Variants in KIRREL3 observed in about 807,000 individuals in gnomAD.
KIRREL3 encodes kirre like nephrin family adhesion molecule 3.
A neutral mutation model predicts 89.7 loss-of-function variants in KIRREL3; 36 were observed. That is an observed-to-expected ratio of 0.40 (90% CI 0.31 to 0.53). KIRREL3 has a LOEUF of 0.53. KIRREL3 is among the 20% of genes least tolerant of loss of function. The pLI, the probability that KIRREL3 is intolerant of heterozygous loss-of-function variation, is 0.49. For synonymous variants in KIRREL3, 445 were observed against 441.4 expected, an observed-to-expected ratio of 1.01 and a Z score of -0.10; for missense variants, 864 against 1,056.6, an observed-to-expected ratio of 0.82 and a Z score of 2.53.
chr11:126,493,377 C>T (rs1180331732), intron 4 of KIRREL3, among the ~76,000 whole-genome samples: 6 of 151,436 alleles, frequency 4.0e-5, no homozygotes, highest in Non-Finnish European at 8.8e-5. Context: ...AAAAATTAGC[C>T]GGGCACAGTG....
rs1957009890 is a variant in KIRREL3, at chr11:126,474,436, G to A, written c.434-970C>T. Among the ~76,000 whole-genome samples the A allele has an allele frequency of 6.6e-6, 1 of 152,166 alleles. No individual in the cohort carries two copies. Among genetic ancestry groups the A allele is most frequent in the Non-Finnish European group, 1.5e-5 (1 of 68,022 alleles). ...CTGGAGGCCAGGCCCAGGGAACCTGGGAGCACCAGGCCGGCCCCTTCCCTG... is the reference window on the plus strand; with the variant it reads ...CTGGAGGCCAGGCCCAGGGAACCTGAGAGCACCAGGCCGGCCCCTTCCCTG... On this transcript the variant is annotated intron_variant, in intron 4 of 16. Coordinates refer to ENST00000525144, the MANE Select transcript of KIRREL3 (RefSeq NM_032531.4). This position sits in a 1 kb window ranked among gnomAD's most constrained non-coding sequence, Gnocchi z 6.7.
rs76371607 is a variant in KIRREL3 at position 126,435,133 on chromosome 11, A to G, written c.1588+135T>C. 4.6e-3 allele frequency: 4,274 copies of G among 921,904 alleles called. 102 individuals are homozygous for G. The African/African-American group carries it at 0.059, about 13-fold the overall frequency. 57.1% of individuals were successfully genotyped at this position (921,904 alleles called of 1,614,324 possible). On this transcript the variant is annotated intron_variant, in intron 13 of 16. Coordinates refer to ENST00000525144, the MANE Select transcript of KIRREL3 (RefSeq NM_032531.4). ...CTCCCCACTGCTTTGTCTACACTAA[A>G]CCCTCAGGACGGGGGAGGGCGGAGA...
At position 126,896,772 on chromosome 11, in the gene KIRREL3, C is replaced by T. The variant is rs1035294622; in HGVS notation, c.55+103683G>A. On this transcript the variant is annotated intron_variant, in intron 1 of 16. Transcript: ENST00000525144. This position sits in a 1 kb window ranked among gnomAD's most constrained non-coding sequence, Gnocchi z 4.1. ...GACCTGTGGAGATTCATTCTCACCACGTGTTCCAACTCTAGAACTATGTAA... is the reference window on the plus strand; with the variant it reads ...GACCTGTGGAGATTCATTCTCACCATGTGTTCCAACTCTAGAACTATGTAA... 2.6e-5 allele frequency among the ~76,000 whole-genome samples: 4 copies of T among 152,198 alleles called. No individual in the cohort carries two copies. The highest frequency in any genetic ancestry group is 2.1e-4 in the South Asian group (1 of 4,830).
At chr11:126,661,602 C>T (rs542299758) in intron 1 of KIRREL3, among the ~76,000 whole-genome samples, 18 of 152,280 alleles carry the variant, frequency 1.2e-4, no homozygotes, top group African/African-American at 4.3e-4. Context: ...AAGCAGAGGA[C>T]ATAAACTGTG....
At position 126,463,224 on chromosome 11, in the gene KIRREL3, G is replaced by C. The variant is rs377379331; in HGVS notation, c.675C>G (p.Ile225Met). The change falls in exon 6 of 17, where the codon ATC (isoleucine) becomes ATG (methionine). Residue 225 changes from isoleucine (I) to methionine (M), a missense_variant. Physicochemically the swap from Ile to Met is conservative, Grantham distance 10. Coordinates refer to ENST00000525144, the MANE Select transcript of KIRREL3 (RefSeq NM_032531.4). This position sits in a 1 kb window ranked among gnomAD's most constrained non-coding sequence, Gnocchi z 5.9. ...SPGDVENGQS[I>M]VCRATNKAIP... ...TGGCTTTGTTGGTGGCACGACACAC[G>C]ATGCTCTGGCCATTCTCCACGTCAC... 6.2e-7 allele frequency: 1 copy of C among 1,614,006 alleles called. No individual in the cohort carries two copies. Among genetic ancestry groups the C allele is most frequent in the Non-Finnish European group, 8.5e-7 (1 of 1,179,876 alleles).
rs1379241149 is a variant in KIRREL3 at position 126,515,848 on chromosome 11, A to C, written c.433+5467T>G. 6.6e-6 allele frequency among the ~76,000 whole-genome samples: 1 copy of C among 152,120 alleles called. No homozygotes were observed. Among genetic ancestry groups the C allele is most frequent in the East Asian group, 1.9e-4 (1 of 5,194 alleles). On this transcript the variant is annotated intron_variant, in intron 4 of 16. Transcript: ENST00000525144. The surrounding 1 kb of genome is among the most constrained non-coding windows in gnomAD (Gnocchi z 4.2). ...TGATTTGCCTTTTTATGTCAGGGTG[A>C]CTATGGATGGGTTTCTTGCAACCAG...
In KIRREL3 at chr11:126,431,042, A is replaced by G; in HGVS notation, c.1696+377T>C. On this transcript the variant is annotated intron_variant, in intron 14 of 16. Coordinates refer to ENST00000525144, the MANE Select transcript of KIRREL3 (RefSeq NM_032531.4). This position sits in a 1 kb window ranked among gnomAD's most constrained non-coding sequence, Gnocchi z 7.1. ...GTGAGACTAGCAGCTCTTTATTTTTATTTTGTTGTAGAGATGGGGTCTCTC... is the reference window on the plus strand; with the variant it reads ...GTGAGACTAGCAGCTCTTTATTTTTGTTTTGTTGTAGAGATGGGGTCTCTC... 8.2e-7 allele frequency: 1 copy of G among 1,220,036 alleles called. No individual in the cohort carries two copies. The highest frequency in any genetic ancestry group is 1.0e-6 in the Non-Finnish European group (1 of 978,898). 75.6% of individuals were successfully genotyped at this position (1,220,036 alleles called of 1,614,324 possible). A position where few individuals can be genotyped will look rare whatever the true frequency, so the allele number is the denominator to read the frequency against.
rs1957509286 is a variant in KIRREL3, at chr11:126,491,374, C to G, written c.434-17908G>C. ...TGTGTGATGGGTGGGGACACTTGCT[C>G]TCAGGGGGAAAGAAAGCGCCCTCTC... On this transcript the variant is annotated intron_variant, in intron 4 of 16. Coordinates refer to ENST00000525144, the MANE Select transcript of KIRREL3 (RefSeq NM_032531.4). This position sits in a 1 kb window ranked among gnomAD's most constrained non-coding sequence, Gnocchi z 5.5. 6.6e-6 allele frequency among the ~76,000 whole-genome samples: 1 copy of G among 152,180 alleles called. No homozygotes were observed. The highest frequency in any genetic ancestry group is 2.1e-4 in the South Asian group (1 of 4,832).
chr11:126,744,163 G>C lies in KIRREL3; in HGVS notation c.56-181251C>G, dbSNP rs1282095530. Among the ~76,000 whole-genome samples the C allele has an allele frequency of 6.6e-6, 1 of 152,222 alleles. No individual in the cohort carries two copies. ...GTGGTGGACAGGCCATTCATGGAAG[G>C]CTTCCAATGGCTGAAGGGCCTTGGG... is the stretch of plus-strand genomic sequence containing the variant. On this transcript the variant is annotated intron_variant, in intron 1 of 16. Transcript: ENST00000525144. The surrounding 1 kb of genome is among the most constrained non-coding windows in gnomAD (Gnocchi z 4.7).
chr11:126,655,890 T>C lies in KIRREL3; in HGVS notation c.56-92978A>G, dbSNP rs1945113096. ...CTTTCCAGGACAACGTGACTTTCTC[T>C]TATTTTTTGTTCCTGACACTGTTTG... On this transcript the variant is annotated intron_variant, in intron 1 of 16. Transcript: ENST00000525144. This position sits in a 1 kb window ranked among gnomAD's most constrained non-coding sequence, Gnocchi z 5.0. 1.3e-5 allele frequency among the ~76,000 whole-genome samples: 2 copies of C among 152,196 alleles called. No individual in the cohort carries two copies.
chr11:126,751,383 A>G (rs1949330542), intron 1 of KIRREL3, among the ~76,000 whole-genome samples: 1 of 152,250 alleles, frequency 6.6e-6, no homozygotes, highest in African/African-American at 2.4e-5. Context: ...TTGCTGGCTA[A>G]GGAGAACAGC....
Position 126,782,175 on chromosome 11 carries a change from T to C in KIRREL3, c.55+218280A>G, listed in dbSNP as rs149031460. Reference sequence around the variant, plus strand: ...TGAGACTTAAAAGAGTCCTGTGTGATCTTTCAGCCCCTCTTCCCTCCCGTC... The same window carrying C: ...TGAGACTTAAAAGAGTCCTGTGTGACCTTTCAGCCCCTCTTCCCTCCCGTC... On this transcript the variant is annotated intron_variant, in intron 1 of 16. Coordinates refer to ENST00000525144, the MANE Select transcript of KIRREL3 (RefSeq NM_032531.4). This position sits in a 1 kb window ranked among gnomAD's most constrained non-coding sequence, Gnocchi z 4.1. Among the ~76,000 whole-genome samples the C allele has an allele frequency of 7.5e-3, 1,136 of 152,280 alleles. 11 individuals are homozygous for C. Among genetic ancestry groups the C allele is most frequent in the South Asian group, 0.025 (118 of 4,814 alleles).
chr11:126,933,086 G>A (rs75331324), intron 1 of KIRREL3, among the ~76,000 whole-genome samples: 5,159 of 152,208 alleles, frequency 0.034, 164 homozygotes, highest in African/African-American at 0.083. Context: ...TGGAAGGGGT[G>A]GGGTATCAGC....
chr11:126,572,068 T>C (rs897951633), intron 1 of KIRREL3, among the ~76,000 whole-genome samples: 1 of 152,240 alleles, frequency 6.6e-6, no homozygotes, highest in Non-Finnish European at 1.5e-5. Flanking sequence ...GACAGCTATG[T>C]GTCCTACCCC....
intron 1 of KIRREL3, among the ~76,000 whole-genome samples, chr11:126,922,121 G>GTCTGTCTGTCTATCTATCTATCTA (rs61078651): frequency 8.2e-4 from 115 of 140,078 alleles, no homozygotes; most frequent in East Asian, 6.7e-3. Flanking sequence ...CTATCTGTCT[G>GTCTGTCTGTCTATCTATCTATCTA]TCTATCTATC....
chr11:126,920,225 C>T (rs907877903), intron 1 of KIRREL3: 3 of 152,562 alleles, frequency 2.0e-5, no homozygotes, highest in African/African-American at 7.2e-5. Context: ...ATTGCTCTTG[C>T]ACAATCTGAT....
At chr11:126,834,288 T>C (rs1331160171) in intron 1 of KIRREL3, among the ~76,000 whole-genome samples, 1 of 152,216 alleles carries the variant, frequency 6.6e-6, no homozygotes, top group Admixed American at 6.5e-5. Flanking sequence ...CTTTGATTTC[T>C]TTCCAGGGCT....
In KIRREL3 at chr11:126,742,785, G is replaced by A. The variant is rs1364000617; in HGVS notation, c.56-179873C>T. ...CAGGGTGAGGTTAGGCAGCTAGAACGTTATTGATCAACAACTTTGCCACAT... is the reference window on the plus strand; with the variant it reads ...CAGGGTGAGGTTAGGCAGCTAGAACATTATTGATCAACAACTTTGCCACAT... On this transcript the variant is annotated intron_variant, in intron 1 of 16. Coordinates refer to ENST00000525144, the MANE Select transcript of KIRREL3 (RefSeq NM_032531.4). The surrounding 1 kb of genome is among the most constrained non-coding windows in gnomAD (Gnocchi z 5.3). Among the ~76,000 whole-genome samples, 1 of 152,226 alleles carries A rather than the reference G, an allele frequency of 6.6e-6. No homozygotes were observed.
In KIRREL3 at chr11:126,446,896, G is replaced by T; in HGVS notation, c.998-10C>A. The T allele has an allele frequency of 6.2e-7, 1 of 1,604,192 alleles. No individual in the cohort carries two copies. The highest frequency in any genetic ancestry group is 8.5e-7 in the Non-Finnish European group (1 of 1,175,550). On this transcript the variant is annotated splice_polypyrimidine_tract_variant and intron_variant, in intron 8 of 16. Transcript: ENST00000525144. Reference sequence around the variant, plus strand: ...GTCATCCGGGGCCCAACTGCGATGTGAGGAAGAAGAAGACAGGTTCAGGTG... The same window carrying T: ...GTCATCCGGGGCCCAACTGCGATGTTAGGAAGAAGAAGACAGGTTCAGGTG...
Sources: gnomAD v4.1 joint callset for allele counts (sites outside exome capture counted in the v4.1 genomes callset) on GRCh38, gnomAD v4.1.1 for gene constraint, Gnocchi (gnomAD v3.1) non-coding constraint, MANE v1.5 for transcripts, NCBI Gene and HGNC (gene_info 2026-07-23, HGNC 2026-07-21) for gene names.